The following SLC25A26 variants were observed in gnomAD, a reference collection of about 807,000 sequenced individuals.
SLC25A26 encodes the protein solute carrier family 25 member 26.
Under a neutral mutation model 37.8 loss-of-function variants are expected in SLC25A26, and 36 were observed. That is an observed-to-expected ratio of 0.95 (90% CI 0.73 to 1.26). SLC25A26 has a LOEUF of 1.26. Among genes scored for constraint, SLC25A26 ranks in the 50% most tolerant of loss-of-function variants. SLC25A26 has a pLI of 0.00. For missense variants in SLC25A26, 390 were observed against 331.1 expected, an observed-to-expected ratio of 1.18 and a Z score of -1.38; for synonymous variants, 129 against 122.5, an observed-to-expected ratio of 1.05 and a Z score of -0.35.
chr3:66,282,290 C>G (rs1361459205), intron 5 of SLC25A26, among the ~76,000 whole-genome samples: 4 of 152,092 alleles, frequency 2.6e-5, no homozygotes, highest in Non-Finnish European at 5.9e-5. Context: ...GGATTACAGG[C>G]GTGAGCCACC....
chr3:66,302,462 C>T (rs1044461518), intron 5 of SLC25A26, among the ~76,000 whole-genome samples: 1 of 150,484 alleles, frequency 6.6e-6, no homozygotes, highest in Non-Finnish European at 1.5e-5. Flanking sequence ...AGAGTCCCTG[C>T]CACTTCCTGT....
chr3:66,242,492 CAG>C (rs1368675174), intron 2 of SLC25A26, among the ~76,000 whole-genome samples: 2 of 152,166 alleles, frequency 1.3e-5, no homozygotes, highest in Non-Finnish European at 2.9e-5. Flanking sequence ...CTTAGTGTTT[CAG>C]AGTTAGTGAC....
chr3:66,353,728 A>G (rs1399264465), intron 6 of SLC25A26, among the ~76,000 whole-genome samples: 1 of 152,214 alleles, frequency 6.6e-6, no homozygotes, highest in Non-Finnish European at 1.5e-5. Flanking sequence ...GAGCTTGGGC[A>G]AGGATTAAAC....
chr3:66,373,597 A>C (rs1700470841), intron 9 of SLC25A26, among the ~76,000 whole-genome samples: 1 of 151,844 alleles, frequency 6.6e-6, no homozygotes, highest in African/African-American at 2.4e-5. Flanking sequence ...AGGGAGGCTC[A>C]TCTGTCTTTC....
At chr3:66,302,539 T>C (rs1246289901) in intron 5 of SLC25A26, among the ~76,000 whole-genome samples, 8 of 152,212 alleles carry the variant, frequency 5.3e-5, no homozygotes, top group Admixed American at 4.6e-4. Context: ...ACTTATTTGC[T>C]GCCAGCAGTT....
intron 1 of SLC25A26, among the ~76,000 whole-genome samples, chr3:66,143,049 A>G (rs1355039386): frequency 6.6e-6 from 1 of 152,108 alleles, no homozygotes; most frequent in Non-Finnish European, 1.5e-5. Context: ...TTAAGATGTG[A>G]GCCACTGTGC....
chr3:66,271,236 A>G (rs779746260), intron 5 of SLC25A26, among the ~76,000 whole-genome samples: 38 of 152,216 alleles, frequency 2.5e-4, no homozygotes, highest in Non-Finnish European at 4.6e-4. Flanking sequence ...TTAGGCTTCA[A>G]ATAACAGAAA....
At chr3:66,307,687 G>C (rs1264599195) in intron 5 of SLC25A26, among the ~76,000 whole-genome samples, 2 of 152,210 alleles carry the variant, frequency 1.3e-5, no homozygotes, top group Admixed American at 1.3e-4. Flanking sequence ...TTAGGTATAA[G>C]GAAGGGGTCC....
At position 66,221,007 on chromosome 3, in the gene SLC25A26, G is replaced by C. The variant is rs942861070; in HGVS notation, c.-88G>C. On this transcript the variant is annotated 5_prime_UTR_variant, in exon 1 of 10. Transcript: ENST00000354883. ...GGTCCCGGAAGTTCAAGACAGACCCGCCTCAAACATGGCGGCGCCCAGCGC... is the reference window on the plus strand; with the variant it reads ...GGTCCCGGAAGTTCAAGACAGACCCCCCTCAAACATGGCGGCGCCCAGCGC... 1.4e-6 allele frequency: 2 copies of C among 1,399,936 alleles called. No homozygotes were observed. The highest frequency in any genetic ancestry group is 1.4e-5 in the African/African-American group (1 of 70,146). The allele number at this position is 1,399,936 out of a possible 1,614,324, so 86.7% of individuals were successfully genotyped here.
chr3:66,175,134 TATATATAC>T (rs1414491644), intron 1 of SLC25A26, among the ~76,000 whole-genome samples: 14 of 72,670 alleles, frequency 1.9e-4, no homozygotes, highest in East Asian at 3.4e-4. Context: ...TATATATATA[TATATATAC>T]ACACACACAC....
intron 1 of SLC25A26, among the ~76,000 whole-genome samples, chr3:66,137,226 T>C (rs1457701533): frequency 6.7e-6 from 1 of 149,600 alleles, no homozygotes; most frequent in Non-Finnish European, 1.5e-5. Context: ...TCTTTTTTTT[T>C]TTTTTTTTTT....
intron 5 of SLC25A26, among the ~76,000 whole-genome samples, chr3:66,295,559 G>A (rs1193910828): frequency 4.6e-5 from 7 of 151,952 alleles, no homozygotes; most frequent in Non-Finnish European, 8.8e-5. Flanking sequence ...CCACCACCAA[G>A]CCCAGCTAAT....
intron 5 of SLC25A26, 140 bp downstream of exon 5, chr3:66,263,519 T>A: frequency 1.6e-6 from 1 of 638,732 alleles, no homozygotes; most frequent in South Asian, 2.0e-5. Flanking sequence ...GTCACTCTTC[T>A]GTTAAATTTT....
chr3:66,252,299 ATACTAT>A (rs1276999991), intron 3 of SLC25A26, among the ~76,000 whole-genome samples: 1 of 152,222 alleles, frequency 6.6e-6, no homozygotes, highest in Non-Finnish European at 1.5e-5. Context: ...TGTATAGCTA[ATACTAT>A]TAATAGGTGC....
At chr3:66,205,209 A>G (rs1389494596) in intron 1 of SLC25A26, among the ~76,000 whole-genome samples, 1 of 152,220 alleles carries the variant, frequency 6.6e-6, no homozygotes, top group South Asian at 2.1e-4. Context: ...CTCCTTGAAC[A>G]TGCATTCTTC....
At chr3:66,302,866 G>T (rs2075114842) in intron 5 of SLC25A26, among the ~76,000 whole-genome samples, 1 of 152,180 alleles carries the variant, frequency 6.6e-6, no homozygotes. Flanking sequence ...AGGGAGCACA[G>T]GTGGTGCACG....
intron 1 of SLC25A26, among the ~76,000 whole-genome samples, chr3:66,171,676 G>A (rs2070501901): frequency 6.6e-6 from 1 of 152,108 alleles, no homozygotes; most frequent in Admixed American, 6.5e-5. Context: ...TTTTAGTAGA[G>A]ATGGGGTTTC....
At chr3:66,223,186 A>T (rs1430880924) in intron 1 of SLC25A26, among the ~76,000 whole-genome samples, 2 of 152,238 alleles carry the variant, frequency 1.3e-5, no homozygotes, top group Non-Finnish European at 2.9e-5. Context: ...AATATTGGTG[A>T]ACCTCTTAGA....
Position 66,346,368 on chromosome 3 carries a change from CT to C in SLC25A26, c.463del (p.Ser155LeufsTer11). 1.0e-5 allele frequency: 15 copies of C among 1,485,370 alleles called. No homozygotes were observed. Among genetic ancestry groups the C allele is most frequent in the African/African-American group, 2.9e-5 (2 of 69,286 alleles). 92.0% of individuals were successfully genotyped at this position (1,485,370 alleles called of 1,614,324 possible). ...ATTTTTTTTTTCTCTCTTCAGATTC[CT>C]TTTTCTTTGGTCCAGTTTCCCTTAT... ...GYKSTVLREI[P>X]FSLVQFPLWE... On this transcript the variant is annotated frameshift_variant, in exon 6 of 10. Transcript: ENST00000354883. LOFTEE classifies it high-confidence loss of function.
Sources: allele counts gnomAD v4.1 joint callset (sites outside exome capture counted in the v4.1 genomes callset), GRCh38; gene constraint gnomAD v4.1.1; transcripts MANE v1.5; gene names NCBI Gene and HGNC (gene_info 2026-07-23, HGNC 2026-07-21).